Variants in GYS2 observed in about 807,000 individuals in gnomAD.
The protein encoded by GYS2 is glycogen [starch] synthase, liver.
GYS2 carries 80 observed loss-of-function variants against 85.6 expected under a neutral mutation model. The ratio of observed to expected loss-of-function variants is 0.93; its 90% CI spans 0.78 to 1.13. GYS2 has a LOEUF of 1.13. Ranked by LOEUF, GYS2 falls within the 50% of genes most tolerant of loss-of-function variation. The pLI is 0.00. For synonymous variants in GYS2, 328 were observed against 300.7 expected (o/e 1.09, Z -0.94); for missense variants, 881 against 854.9 (o/e 1.03, Z -0.38).
In GYS2 at chr12:21,576,015, C is replaced by A. The variant is rs758582300; in HGVS notation, c.346G>T (p.Val116Leu). The change falls in exon 3 of 16, where the codon GTA becomes TTA. Residue 116 changes from valine (V) to leucine (L), a missense_variant. Coordinates refer to ENST00000261195, the MANE Select transcript of GYS2 (RefSeq NM_021957.4). ...GCTGAATAGCCTATGTCAAAAAGTA[C>A]CACATAAGGACTTCCTTCTATCAGC... The part of the protein sequence containing the change: ...RWLIEGSPYV[V>L]LFDIGYSAWN... 6.2e-7 allele frequency: 1 copy of A among 1,613,700 alleles called. No homozygotes were observed. Among genetic ancestry groups the A allele is most frequent in the Non-Finnish European group, 8.5e-7 (1 of 1,179,816 alleles).
In GYS2 at chr12:21,604,624, T is replaced by C. The variant is rs1007469490; in HGVS notation, c.-32A>G. ...TACAGTCCTCCGAGACTCCTTTGAA[T>C]TCCTGTTTCAATTAGTTGTAATCCC... On this transcript the variant is annotated 5_prime_UTR_variant, in exon 1 of 16. Transcript: ENST00000261195. 1 of 1,611,266 alleles carries C rather than the reference T, an allele frequency of 6.2e-7. No individual in the cohort carries two copies. The highest frequency in any genetic ancestry group is 1.3e-5 in the African/African-American group (1 of 74,924).
intron 1 of GYS2, among the ~76,000 whole-genome samples, chr12:21,593,938 G>T (rs994928878): frequency 1.3e-5 from 2 of 151,786 alleles, no homozygotes; most frequent in African/African-American, 4.8e-5. Flanking sequence ...TTTATACTAG[G>T]GTTGCAAGAA....
In GYS2 at chr12:21,598,927, T is replaced by C. The variant is rs149911202; in HGVS notation, c.121+5545A>G. 2.5e-3 allele frequency among the ~76,000 whole-genome samples: 378 copies of C among 152,220 alleles called. 3 individuals are homozygous for C. Among genetic ancestry groups the C allele is most frequent in the African/African-American group, 8.7e-3 (360 of 41,550 alleles). ...CTTTCACCTGAAAGAAAAGATGAGC[T>C]ACCATGGTACATATAACAATGAGGT... is the stretch of plus-strand genomic sequence containing the variant. On this transcript the variant is annotated intron_variant, in intron 1 of 15. Transcript: ENST00000261195.
At position 21,558,250 on chromosome 12, in the gene GYS2, TG is replaced by T; in HGVS notation, c.1371del (p.Ser458AlafsTer18). 6.2e-7 allele frequency: 1 copy of T among 1,613,984 alleles called. No homozygotes were observed. Among genetic ancestry groups the T allele is most frequent in the Non-Finnish European group, 8.5e-7 (1 of 1,179,852 alleles). On this transcript the variant is annotated frameshift_variant, in exon 11 of 16. Transcript: ENST00000261195. LOFTEE classifies it high-confidence loss of function. ...AAAAGTCCAATCCGTCTAATGGTGC[TG>T]AGGATGGGGTCGGTGGAGTCATCAA... is the stretch of plus-strand genomic sequence containing the variant. ...NMIDDSTDPI[L>X]STIRRIGLFN...
chr12:21,582,332 A>C (rs1194419656), intron 1 of GYS2, among the ~76,000 whole-genome samples: 6 of 152,194 alleles, frequency 3.9e-5, no homozygotes, highest in African/African-American at 1.4e-4. Flanking sequence ...CCATCTAATC[A>C]GTTGCCAGCA....
At chr12:21,553,307 A>G (rs1944135844) in intron 11 of GYS2, among the ~76,000 whole-genome samples, 1 of 152,238 alleles carries the variant, frequency 6.6e-6, no homozygotes. Flanking sequence ...AGATTAAGTG[A>G]ATTTACAAAA....
intron 10 of GYS2, 33 bp from the exon 11 acceptor site, chr12:21,558,346 C>T (rs761483253): frequency 8.3e-6 from 11 of 1,330,722 alleles, no homozygotes; most frequent in Non-Finnish European, 1.2e-5. Flanking sequence ...ATATCAATTG[C>T]GGAAAGAATT....
chr12:21,571,315 T>G (rs763071725), intron 4 of GYS2, among the ~76,000 whole-genome samples: 1 of 152,356 alleles, frequency 6.6e-6, no homozygotes, highest in East Asian at 1.9e-4. Flanking sequence ...CTTCCACATA[T>G]TTATGATTAT....
chr12:21,556,731 AAAGCCAAGAG>A (rs59571792), intron 11 of GYS2, among the ~76,000 whole-genome samples: 109,876 of 151,796 alleles, frequency 0.72, 40,309 homozygotes, highest in South Asian at 0.8. Context: ...GTTAAATACT[AAAGCCAAGAG>A]GCTATTATTC....
downstream of GYS2, chr12:21,532,730 T>A (rs1159367847): frequency 2.0e-5 from 3 of 152,224 alleles, no homozygotes; most frequent in East Asian, 1.9e-4. Context: ...CAAAATAGTA[T>A]GTGTATTCAA....
intron 15 of GYS2, 39 bp downstream of exon 15, chr12:21,539,219 G>A: frequency 9.3e-7 from 1 of 1,079,400 alleles, no homozygotes; most frequent in Non-Finnish European, 1.4e-6. Flanking sequence ...CTTATAAAAA[G>A]AAATATAGCT....
intron 2 of GYS2, among the ~76,000 whole-genome samples, chr12:21,577,754 C>T (rs1255959307): frequency 6.6e-6 from 1 of 152,166 alleles, no homozygotes; most frequent in Non-Finnish European, 1.5e-5. Context: ...TTTTCACCCC[C>T]AGAAACTATA....
At chr12:21,548,825 T>C (rs1944072687) in intron 11 of GYS2, among the ~76,000 whole-genome samples, 1 of 152,152 alleles carries the variant, frequency 6.6e-6, no homozygotes, top group African/African-American at 2.4e-5. Context: ...AGCGCTTTTT[T>C]TTGGTGGGGG....
chr12:21,553,796 A>ACACACAC (rs143876613), intron 11 of GYS2, among the ~76,000 whole-genome samples: 3 of 151,438 alleles, frequency 2.0e-5, no homozygotes, highest in East Asian at 1.9e-4. Flanking sequence ...ACACACATAT[A>ACACACAC]ACACACACAC....
At chr12:21,556,667 T>C (rs1944183310) in intron 11 of GYS2, among the ~76,000 whole-genome samples, 1 of 152,230 alleles carries the variant, frequency 6.6e-6, no homozygotes, top group African/African-American at 2.4e-5. Context: ...GTTCATGACA[T>C]GATCCTCAAA....
chr12:21,571,080 T>C (rs1407420595), intron 4 of GYS2, among the ~76,000 whole-genome samples: 1 of 152,132 alleles, frequency 6.6e-6, no homozygotes, highest in Non-Finnish European at 1.5e-5. Flanking sequence ...CATTTAGAGA[T>C]GGGAAGATAG....
intron 1 of GYS2, among the ~76,000 whole-genome samples, chr12:21,602,854 A>C (rs1236524548): frequency 6.6e-6 from 1 of 152,044 alleles, no homozygotes; most frequent in Non-Finnish European, 1.5e-5. Context: ...TTGTTAAATG[A>C]TGAGAAAAGA....
At chr12:21,550,910 C>T (rs1298773537) in intron 11 of GYS2, among the ~76,000 whole-genome samples, 1 of 152,062 alleles carries the variant, frequency 6.6e-6, no homozygotes, top group East Asian at 1.9e-4. Context: ...CCACTGCACT[C>T]CAGCCTGGGC....
chr12:21,596,952 A>G (rs1944703500), intron 1 of GYS2, among the ~76,000 whole-genome samples: 1 of 152,182 alleles, frequency 6.6e-6, no homozygotes, highest in Admixed American at 6.6e-5. Flanking sequence ...TCTATACACC[A>G]ACAGCAACCA....
Sources: gnomAD v4.1 joint callset for allele counts (sites outside exome capture counted in the v4.1 genomes callset) on GRCh38, gnomAD v4.1.1 for gene constraint, MANE v1.5 for transcripts, NCBI Gene and HGNC (gene_info 2026-07-23, HGNC 2026-07-21) for gene names.